The following TNFAIP8 variants were observed in gnomAD, a reference collection of about 807,000 sequenced individuals.
The protein encoded by TNFAIP8 is tumor necrosis factor alpha-induced protein 8.
Under a neutral mutation model 13.3 loss-of-function variants are expected in TNFAIP8, and 7 were observed. The ratio of observed to expected loss-of-function variants is 0.52; its 90% CI spans 0.30 to 0.99. The LOEUF is 0.99. TNFAIP8 is among the 50% of genes least tolerant of loss of function. The probability of loss-of-function intolerance (pLI) is 0.07; values close to 1 mark genes in which losing one functional copy is unlikely to be tolerated. For synonymous variants in TNFAIP8, 94 were observed against 87.6 expected, an observed-to-expected ratio of 1.07 and a Z score of -0.41; for missense variants, 258 against 236.9, an observed-to-expected ratio of 1.09 and a Z score of -0.58.
rs74386727 is a variant in TNFAIP8 at position 119,292,223 on chromosome 5, C to T, written c.1+23316C>T. ...GGAAGTTCCCTATTGCAGCTCTGGC[C>T]CAAGGAGAAGAGCCCATCTAGAATA... On this transcript the variant is annotated intron_variant, in intron 1 of 1. Coordinates refer to the TNFAIP8 transcript ENST00000274456. Among the ~76,000 whole-genome samples, 1,267 of 151,854 alleles carry T rather than the reference C, an allele frequency of 8.3e-3. 20 individuals are homozygous for T. The highest frequency in any genetic ancestry group is 0.05 in the South Asian group (241 of 4,794).
In TNFAIP8 at chr5:119,350,667, G is replaced by A. The variant is rs114541250; in HGVS notation, c.2-42149G>A. On this transcript the variant is annotated intron_variant, in intron 1 of 1. Transcript: ENST00000274456. ...TGTCTCTCTGTGTGTGCTCATCTCC[G>A]ATGTCAGCAATTCTTCCCATTCTCT... 4.1e-3 allele frequency among the ~76,000 whole-genome samples: 620 copies of A among 152,290 alleles called. 3 individuals are homozygous for A. Among genetic ancestry groups the A allele is most frequent in the African/African-American group, 0.014 (585 of 41,566 alleles).
At chr5:119,284,299 G>A (rs1254125689) in intron 1 of TNFAIP8, among the ~76,000 whole-genome samples, 2 of 152,056 alleles carry the variant, frequency 1.3e-5, no homozygotes, top group African/African-American at 4.8e-5. Context: ...ACAGAGCTGG[G>A]TTCCAGAGGC....
At chr5:119,346,975 T>C (rs1282320696) in intron 1 of TNFAIP8, among the ~76,000 whole-genome samples, 1 of 152,244 alleles carries the variant, frequency 6.6e-6, no homozygotes, top group Non-Finnish European at 1.5e-5. Flanking sequence ...GTCAGTATTA[T>C]TTTAAAAATC....
chr5:119,386,607 A>G (rs1413772655), intron 1 of TNFAIP8, among the ~76,000 whole-genome samples: 1 of 152,092 alleles, frequency 6.6e-6, no homozygotes, highest in African/African-American at 2.4e-5. Context: ...GTTGCCTTTT[A>G]AGGTTAGCAT....
At chr5:119,312,745 CAAAAAAAAAAA>C (rs869226026) in intron 1 of TNFAIP8, among the ~76,000 whole-genome samples, 6 of 43,364 alleles carry the variant, frequency 1.4e-4, no homozygotes, top group Non-Finnish European at 1.9e-4. Context: ...GCAAAAAATA[CAAAAAAAAAAA>C]AAAAAAAAAA....
chr5:119,335,325 C>T (rs1750519611), intron 1 of TNFAIP8, among the ~76,000 whole-genome samples: 1 of 152,148 alleles, frequency 6.6e-6, no homozygotes, highest in African/African-American at 2.4e-5. Flanking sequence ...CCCCAAATCA[C>T]ATTAATTTAA....
chr5:119,272,874 G>A (rs965603169), intron 1 of TNFAIP8, among the ~76,000 whole-genome samples: 11 of 152,216 alleles, frequency 7.2e-5, no homozygotes, highest in Non-Finnish European at 2.9e-5. Context: ...CTGTCAAGGT[G>A]ACGGGGGGCT....
At chr5:119,294,747 A>C (rs919214814) in intron 1 of TNFAIP8, among the ~76,000 whole-genome samples, 1 of 152,002 alleles carries the variant, frequency 6.6e-6, no homozygotes, top group Admixed American at 6.6e-5. Flanking sequence ...CTGGTGTGAG[A>C]TGGTATCTCA....
chr5:119,325,604 T>A (rs1750200611), intron 1 of TNFAIP8, among the ~76,000 whole-genome samples: 1 of 152,208 alleles, frequency 6.6e-6, no homozygotes, highest in African/African-American at 2.4e-5. Context: ...TCCGCCACCA[T>A]ACCCGGCTAA....
chr5:119,393,867 T>G lies in TNFAIP8; in HGVS notation c.*486T>G, dbSNP rs1007417348. ...TTTTCATGTCTACAGCTGACTGTTT[T>G]GTTAAGATTGAGTCATCGACATTCA... On this transcript the variant is annotated 3_prime_UTR_variant, in exon 2 of 2. Transcript: ENST00000504771. 1 of 156,356 alleles carries G rather than the reference T, an allele frequency of 6.4e-6. No homozygotes were observed. Among genetic ancestry groups the G allele is most frequent in the African/African-American group, 2.4e-5 (1 of 41,482 alleles). The allele number at this position is 156,356 out of a possible 1,614,324, so 9.7% of individuals were successfully genotyped here.
intron 1 of TNFAIP8, among the ~76,000 whole-genome samples, chr5:119,320,872 G>A (rs543648761): frequency 2.0e-5 from 3 of 150,742 alleles, no homozygotes; most frequent in African/African-American, 7.3e-5. Context: ...TGTCTCTAGG[G>A]TTCTTAACCT....
At chr5:119,272,348 T>C (rs554180133) in intron 1 of TNFAIP8, among the ~76,000 whole-genome samples, 23 of 152,200 alleles carry the variant, frequency 1.5e-4, no homozygotes, top group Non-Finnish European at 5.9e-5. Flanking sequence ...ACCCTTCTCA[T>C]GTTTACATGA....
At chr5:119,302,137 T>C (rs1749415602) in intron 1 of TNFAIP8, among the ~76,000 whole-genome samples, 1 of 152,240 alleles carries the variant, frequency 6.6e-6, no homozygotes, top group South Asian at 2.1e-4. Flanking sequence ...CATTATTTAG[T>C]TGTCCTAGTT....
chr5:119,305,354 A>T (rs1749518337), intron 1 of TNFAIP8, among the ~76,000 whole-genome samples: 2 of 152,220 alleles, frequency 1.3e-5, no homozygotes, highest in South Asian at 4.1e-4. Context: ...TTCAGTTTCT[A>T]ACAACTATTA....
chr5:119,292,448 A>G (rs559507810), intron 1 of TNFAIP8, among the ~76,000 whole-genome samples: 5 of 151,716 alleles, frequency 3.3e-5, no homozygotes, highest in African/African-American at 1.2e-4. Flanking sequence ...ACATTATATC[A>G]TATGGTATTT....
At chr5:119,299,942 C>T (rs985102197) in intron 1 of TNFAIP8, among the ~76,000 whole-genome samples, 5 of 152,326 alleles carry the variant, frequency 3.3e-5, no homozygotes, top group South Asian at 2.1e-4. Context: ...CTTGGTGCAC[C>T]GTTTTTTAGG....
intron 1 of TNFAIP8, among the ~76,000 whole-genome samples, chr5:119,342,540 C>G (rs1750771708): frequency 6.6e-6 from 1 of 152,160 alleles, no homozygotes; most frequent in African/African-American, 2.4e-5. Flanking sequence ...GCTTTCTCCT[C>G]AGGGTACTCT....
intron 1 of TNFAIP8, among the ~76,000 whole-genome samples, chr5:119,350,390 AT>A (rs1398962493): frequency 6.6e-6 from 1 of 152,228 alleles, no homozygotes; most frequent in Non-Finnish European, 1.5e-5. Flanking sequence ...ACCATTTTAT[AT>A]GAGACTTGAG....
intron 1 of TNFAIP8, among the ~76,000 whole-genome samples, chr5:119,382,769 T>G (rs1321636782): frequency 6.6e-6 from 1 of 152,250 alleles, no homozygotes; most frequent in Non-Finnish European, 1.5e-5. Context: ...AGTCTGACTC[T>G]AGAGCCGGTG....
Sources: gnomAD v4.1 joint callset for allele counts (sites outside exome capture counted in the v4.1 genomes callset) on GRCh38, gnomAD v4.1.1 for gene constraint, MANE v1.5 for transcripts, NCBI Gene and HGNC (gene_info 2026-07-23, HGNC 2026-07-21) for gene names.